Variants in NPAS3 observed in about 807,000 individuals in gnomAD.
The protein encoded by NPAS3 is neuronal PAS domain-containing protein 3.
NPAS3 carries 14 observed loss-of-function variants against 73.1 expected under a neutral mutation model. That is an observed-to-expected ratio of 0.19 (90% CI 0.13 to 0.30). The LOEUF (loss-of-function observed/expected upper bound fraction) is 0.30. Among genes scored for constraint, NPAS3 ranks in the 10% least tolerant of loss-of-function variants. The probability of loss-of-function intolerance (pLI) is 1.00; values close to 1 mark genes in which losing one functional copy is unlikely to be tolerated. For missense variants in NPAS3, 1,096 were observed against 1,250.0 expected, an observed-to-expected ratio of 0.88 and a Z score of 1.86; for synonymous variants, 620 against 541.5, an observed-to-expected ratio of 1.14 and a Z score of -2.01.
chr14:33,294,519 T>A (rs2042219226), intron 3 of NPAS3, among the ~76,000 whole-genome samples: 1 of 152,194 alleles, frequency 6.6e-6, no homozygotes, highest in Admixed American at 6.5e-5. Context: ...GTTAGTGTGA[T>A]GCATTGTTGA....
chr14:33,288,679 G>A (rs553432800), intron 3 of NPAS3, among the ~76,000 whole-genome samples: 4 of 151,860 alleles, frequency 2.6e-5, no homozygotes, highest in African/African-American at 7.3e-5. Flanking sequence ...AGCAGAATGC[G>A]GGGGAAGAGT....
At chr14:33,403,993 T>C (rs2047556134) in intron 4 of NPAS3, among the ~76,000 whole-genome samples, 1 of 152,156 alleles carries the variant, frequency 6.6e-6, no homozygotes, top group Non-Finnish European at 1.5e-5. Context: ...CATATTCAAA[T>C]GTTAGGAAGA....
chr14:33,378,740 T>C (rs2046413374), intron 4 of NPAS3, among the ~76,000 whole-genome samples: 1 of 152,114 alleles, frequency 6.6e-6, no homozygotes. Flanking sequence ...TAGTCAGAAA[T>C]GGGGGAGGAG....
At chr14:33,202,707 C>CT (rs34502647) in intron 2 of NPAS3, among the ~76,000 whole-genome samples, 15,407 of 146,308 alleles carry the variant, frequency 0.11, 920 homozygotes, top group Non-Finnish European at 0.13. Flanking sequence ...ATATTCATGT[C>CT]TTTTTTTTTT....
rs1198802323 is a variant in NPAS3 at position 32,962,828 on chromosome 14, G to A, written c.50+23462G>A. On this transcript the variant is annotated intron_variant, in intron 1 of 11. Coordinates refer to ENST00000356141, the Ensembl canonical transcript of NPAS3. Reference sequence around the variant, plus strand: ...TCTGCTCGCCTTGGCCTCCCAAAGTGCTGAGATTACAGGTGTGAGCTACCA... The same window carrying A: ...TCTGCTCGCCTTGGCCTCCCAAAGTACTGAGATTACAGGTGTGAGCTACCA... Among the ~76,000 whole-genome samples the A allele has an allele frequency of 2.0e-5, 3 of 150,382 alleles. No individual in the cohort carries two copies. In the East Asian group the frequency reaches 5.9e-4, roughly 29 times the overall value.
intron 2 of NPAS3, among the ~76,000 whole-genome samples, chr14:33,209,471 A>G (rs1166792728): frequency 6.6e-6 from 1 of 152,234 alleles, no homozygotes; most frequent in South Asian, 2.1e-4. Flanking sequence ...GGGCAAGTGT[A>G]GGTACTGGAG....
chr14:33,377,132 G>A (rs922991400), intron 4 of NPAS3, among the ~76,000 whole-genome samples: 4 of 152,096 alleles, frequency 2.6e-5, no homozygotes, highest in African/African-American at 9.7e-5. Context: ...GTTTAGTTCA[G>A]AGTAAAAAAT....
At chr14:33,179,372 CA>C (rs1289306167) in intron 2 of NPAS3, among the ~76,000 whole-genome samples, 1 of 152,060 alleles carries the variant, frequency 6.6e-6, no homozygotes, top group Non-Finnish European at 1.5e-5. Context: ...CTAAGGAAAA[CA>C]AAAACAATTT....
chr14:33,532,490 G>C (rs2054088845), intron 4 of NPAS3, among the ~76,000 whole-genome samples: 1 of 152,042 alleles, frequency 6.6e-6, no homozygotes, highest in Admixed American at 6.6e-5. Flanking sequence ...GTGAGGACAG[G>C]TGTTAGCTGT....
At chr14:33,255,355 T>C (rs937412368) in intron 3 of NPAS3, among the ~76,000 whole-genome samples, 12 of 152,148 alleles carry the variant, frequency 7.9e-5, no homozygotes, top group African/African-American at 2.4e-4. Flanking sequence ...TCACTCTCAT[T>C]TAATTTGCAA....
intron 2 of NPAS3, among the ~76,000 whole-genome samples, chr14:33,061,576 T>C (rs2041100431): frequency 6.6e-6 from 1 of 152,236 alleles, no homozygotes. Flanking sequence ...TGACTTGAAG[T>C]AGCATATGTT....
intron 3 of NPAS3, among the ~76,000 whole-genome samples, chr14:33,275,789 G>A (rs1041004193): frequency 6.6e-6 from 1 of 152,096 alleles, no homozygotes; most frequent in African/African-American, 2.4e-5. Context: ...AGTATAATCT[G>A]ACTATTTGAT....
At chr14:33,523,437 G>A (rs1343912680) in intron 4 of NPAS3, among the ~76,000 whole-genome samples, 2 of 145,500 alleles carry the variant, frequency 1.4e-5, no homozygotes, top group Non-Finnish European at 3.0e-5. Context: ...GGGCAACAGA[G>A]CGAGACTCTG....
intron 4 of NPAS3, among the ~76,000 whole-genome samples, chr14:33,407,661 T>C (rs545910980): frequency 1.3e-5 from 2 of 152,238 alleles, no homozygotes; most frequent in African/African-American, 4.8e-5. Flanking sequence ...TTCTTAGAAA[T>C]TTCGGTGCCT....
At chr14:33,578,676 C>T (rs1252135703) in intron 5 of NPAS3, among the ~76,000 whole-genome samples, 1 of 152,204 alleles carries the variant, frequency 6.6e-6, no homozygotes, top group Non-Finnish European at 1.5e-5. Context: ...ATCCTGCAAT[C>T]AGGGGTTTTC....
intron 3 of NPAS3, among the ~76,000 whole-genome samples, chr14:33,217,226 C>T (rs886621465): frequency 6.6e-6 from 1 of 152,088 alleles, no homozygotes; most frequent in Non-Finnish European, 1.5e-5. Flanking sequence ...ATGATCCAGT[C>T]ACCTCCCAGA....
At chr14:33,132,999 T>A (rs1467387994) in intron 2 of NPAS3, among the ~76,000 whole-genome samples, 1 of 152,200 alleles carries the variant, frequency 6.6e-6, no homozygotes, top group Non-Finnish European at 1.5e-5. Flanking sequence ...AATTTCCAGT[T>A]ATTACTCTTA....
At chr14:33,774,389 G>A (rs527302137) in exon 8 of NPAS3, 1 of 1,614,050 alleles carries the variant, frequency 6.2e-7, no homozygotes, top group South Asian at 1.1e-5. Flanking sequence ...TCCCACGGGA[G>A]GACCGTCCCC....
intron 9 of NPAS3, among the ~76,000 whole-genome samples, chr14:33,793,548 C>T (rs1212082728): frequency 6.6e-6 from 1 of 152,196 alleles, no homozygotes; most frequent in Non-Finnish European, 1.5e-5. Flanking sequence ...TACAAATTTG[C>T]CTTTCTTACC....
Sources: gnomAD v4.1 joint callset for allele counts (sites outside exome capture counted in the v4.1 genomes callset) on GRCh38, gnomAD v4.1.1 for gene constraint, MANE v1.5 for transcripts, NCBI Gene and HGNC (gene_info 2026-07-23, HGNC 2026-07-21) for gene names.